The following NSUN4 variants were observed in gnomAD, a reference collection of about 807,000 sequenced individuals.
The protein encoded by NSUN4 is NOP2/Sun RNA methyltransferase 4, also known as 5-cytosine rRNA methyltransferase NSUN4.
In NSUN4, 31 loss-of-function variants were observed where a neutral mutation model predicts 43.8. The observed-to-expected ratio is 0.71, with a 90% confidence interval of 0.53 to 0.96. The LOEUF (loss-of-function observed/expected upper bound fraction) is 0.96. NSUN4 is among the 40% of genes least tolerant of loss of function. The pLI is 0.00. For synonymous variants in NSUN4, 167 were observed against 184.1 expected (o/e 0.91, Z 0.75); for missense variants, 439 against 475.6 (o/e 0.92, Z 0.72).
the NSUN4 span, among the ~76,000 whole-genome samples, chr1:46,380,474 G>T: frequency 6.6e-6 from 1 of 152,288 alleles, no homozygotes; most frequent in South Asian, 2.1e-4. Flanking sequence ...CATGACCTTA[G>T]CTTCCAGCTT....
chr1:46,342,171 C>T, intron 1 of NSUN4: 2 of 400,814 alleles, frequency 5.0e-6, no homozygotes, highest in Non-Finnish European at 8.8e-6. Context: ...GATGATCTCT[C>T]TGCCCTCTCA....
intron 4 of NSUN4, among the ~76,000 whole-genome samples, chr1:46,357,458 C>T (rs1663466556): frequency 6.6e-6 from 1 of 152,212 alleles, no homozygotes; most frequent in Admixed American, 6.5e-5. Flanking sequence ...GAACATTTTC[C>T]ACAGTTAACA....
chr1:46,349,908 A>G (rs142540256), intron 3 of NSUN4, among the ~76,000 whole-genome samples: 1 of 152,342 alleles, frequency 6.6e-6, no homozygotes, highest in African/African-American at 2.4e-5. Flanking sequence ...GAAGAAGGGC[A>G]AAGAAGAAGT....
chr1:46,357,425 C>T (rs528869728), intron 4 of NSUN4, among the ~76,000 whole-genome samples: 8 of 152,328 alleles, frequency 5.3e-5, no homozygotes, highest in East Asian at 1.9e-4. Flanking sequence ...TAAAGCCATC[C>T]GCCCGCCTTG....
intron 3 of NSUN4, among the ~76,000 whole-genome samples, chr1:46,347,987 C>T (rs1662646474): frequency 6.6e-6 from 1 of 151,962 alleles, no homozygotes; most frequent in South Asian, 2.1e-4. Flanking sequence ...ACGCCATTCT[C>T]CTGCCTCAGC....
chr1:46,376,736 G>GTC, the NSUN4 span, among the ~76,000 whole-genome samples: 1 of 151,874 alleles, frequency 6.6e-6, no homozygotes, highest in African/African-American at 2.4e-5. Context: ...GTGTGTGTGT[G>GTC]TGTGTGTGTA....
chr1:46,383,582 A>G, the NSUN4 span, among the ~76,000 whole-genome samples: 2 of 150,706 alleles, frequency 1.3e-5, no homozygotes, highest in African/African-American at 4.9e-5. Context: ...CAGCCTCCCG[A>G]GTAGCTGGGA....
At chr1:46,351,952 C>T (rs1049459279) in intron 3 of NSUN4, among the ~76,000 whole-genome samples, 4 of 151,168 alleles carry the variant, frequency 2.6e-5, no homozygotes, top group African/African-American at 9.7e-5. Flanking sequence ...GTGTGAGCCA[C>T]CGTGCCTGGC....
At chr1:46,383,341 C>G in the NSUN4 span, among the ~76,000 whole-genome samples, 3 of 151,848 alleles carry the variant, frequency 2.0e-5, no homozygotes, top group Non-Finnish European at 4.4e-5. Context: ...CCCTGTGGTG[C>G]ATGACCAGCC....
chr1:46,379,255 T>C, the NSUN4 span, among the ~76,000 whole-genome samples: 220 of 152,212 alleles, frequency 1.4e-3, 1 homozygote, highest in Middle Eastern at 6.8e-3. Context: ...TGCTTCTGAG[T>C]GTGGAATCCT....
intron 4 of NSUN4, 131 bp from the exon 5 acceptor site, chr1:46,360,573 G>A (rs1204762625): frequency 1.3e-6 from 1 of 766,364 alleles, no homozygotes; most frequent in Non-Finnish European, 2.0e-6. Context: ...ACTTTGTCAG[G>A]TACTCTGCAA....
intron 4 of NSUN4, among the ~76,000 whole-genome samples, chr1:46,353,776 C>T (rs1406597228): frequency 2.1e-5 from 3 of 143,370 alleles, no homozygotes; most frequent in Admixed American, 2.1e-4. Context: ...TGCGCCCAGC[C>T]GGTAGTATAT....
the NSUN4 span, among the ~76,000 whole-genome samples, chr1:46,375,139 C>G: frequency 6.6e-6 from 1 of 151,746 alleles, no homozygotes; most frequent in Non-Finnish European, 1.5e-5. Flanking sequence ...AACAAATTAC[C>G]AATATCAAGA....
chr1:46,343,728 C>T, intron 1 of NSUN4: 1 of 400,494 alleles, frequency 2.5e-6, no homozygotes, highest in Non-Finnish European at 4.4e-6. Context: ...TGAGAGTCCC[C>T]AACTTAGCAT....
intron 4 of NSUN4, 71 bp downstream of exon 4, chr1:46,353,099 G>A (rs1459041017): frequency 2.4e-5 from 35 of 1,433,266 alleles, no homozygotes; most frequent in Middle Eastern, 2.0e-4. Flanking sequence ...TAGGGCCTGA[G>A]GGGTTAGGAT....
chr1:46,348,808 GTTTTTTTTTTTTTT>G (rs869234807), intron 3 of NSUN4, among the ~76,000 whole-genome samples: 3 of 77,842 alleles, frequency 3.9e-5, no homozygotes, highest in African/African-American at 1.0e-4. Flanking sequence ...CTTGTGCACT[GTTTTTTTTTTTTTT>G]TTTTTTTTTT....
the NSUN4 span, among the ~76,000 whole-genome samples, chr1:46,378,347 G>A: frequency 6.6e-6 from 1 of 152,154 alleles, no homozygotes; most frequent in East Asian, 1.9e-4. Context: ...ACAGGTGTGT[G>A]TCACCACACC....
the NSUN4 span, among the ~76,000 whole-genome samples, chr1:46,375,878 G>A: frequency 7.2e-5 from 11 of 152,038 alleles, no homozygotes; most frequent in Admixed American, 4.6e-4. Flanking sequence ...AGGCCAAAGC[G>A]GGTGGATCAC....
chr1:46,374,551 G>A, the NSUN4 span, among the ~76,000 whole-genome samples: 2 of 152,214 alleles, frequency 1.3e-5, no homozygotes, highest in African/African-American at 4.8e-5. Context: ...AGAGGTTGTA[G>A]TGAGCTGAGA....
Sources: allele counts gnomAD v4.1 joint callset (sites outside exome capture counted in the v4.1 genomes callset), GRCh38; gene constraint gnomAD v4.1.1; transcripts MANE v1.5; gene names NCBI Gene and HGNC (gene_info 2026-07-23, HGNC 2026-07-21).